ERC2: variants seen among roughly 807,000 people sequenced by gnomAD.
The protein encoded by ERC2 is ELKS/RAB6-interacting/CAST family member 2.
A neutral mutation model predicts 114.8 loss-of-function variants in ERC2; 42 were observed. The observed-to-expected ratio is 0.37, with a 90% CI of 0.29 to 0.47. The LOEUF is 0.47. ERC2 is among the 20% of genes least tolerant of loss of function. The pLI is 0.99. For missense variants in ERC2, 939 were observed against 1,150.7 expected, an observed-to-expected ratio of 0.82 and a Z score of 2.66; for synonymous variants, 454 against 425.5, an observed-to-expected ratio of 1.07 and a Z score of -0.82.
At chr3:55,979,945 C>G (rs1027156443) in intron 12 of ERC2, among the ~76,000 whole-genome samples, 5 of 148,674 alleles carry the variant, frequency 3.4e-5, no homozygotes, top group Middle Eastern at 6.9e-3. Context: ...CCTATCTCTT[C>G]TTCTTTTTTT....
intron 14 of ERC2, among the ~76,000 whole-genome samples, chr3:55,863,131 T>C (rs1408803186): frequency 6.6e-6 from 1 of 152,136 alleles, no homozygotes; most frequent in Non-Finnish European, 1.5e-5. Context: ...ACCCTGACAG[T>C]TCAAACTGTC....
At chr3:55,672,181 C>T (rs909640192) in intron 17 of ERC2, among the ~76,000 whole-genome samples, 1 of 151,852 alleles carries the variant, frequency 6.6e-6, no homozygotes, top group African/African-American at 2.4e-5. Flanking sequence ...CTAGGCCCCC[C>T]ACCCCTACAC....
chr3:55,897,112 G>A (rs1259813106), intron 13 of ERC2, among the ~76,000 whole-genome samples: 1 of 152,232 alleles, frequency 6.6e-6, no homozygotes, highest in Admixed American at 6.5e-5. Flanking sequence ...TAAAAAACCC[G>A]TTTAAGACCT....
chr3:56,176,642 T>C (rs1194191058), intron 3 of ERC2, among the ~76,000 whole-genome samples: 1 of 152,202 alleles, frequency 6.6e-6, no homozygotes, highest in African/African-American at 2.4e-5. Flanking sequence ...CTGAGGCTCA[T>C]CTTGATTCCT....
At chr3:55,713,950 A>G (rs1430722984) in intron 15 of ERC2, among the ~76,000 whole-genome samples, 1 of 152,208 alleles carries the variant, frequency 6.6e-6, no homozygotes, top group Non-Finnish European at 1.5e-5. Context: ...TATCAACCTT[A>G]TCAAAAACCA....
chr3:55,737,514 A>G (rs2065710017), intron 14 of ERC2, among the ~76,000 whole-genome samples: 1 of 152,210 alleles, frequency 6.6e-6, no homozygotes, highest in Non-Finnish European at 1.5e-5. Context: ...ACAACACACA[A>G]GGTGACTGCA....
At chr3:56,281,961 A>T (rs2150323340) in intron 3 of ERC2, among the ~76,000 whole-genome samples, 1 of 152,334 alleles carries the variant, frequency 6.6e-6, no homozygotes, top group African/African-American at 2.4e-5. Flanking sequence ...CTTGCTTTAC[A>T]AGGAGACCAA....
At chr3:55,724,459 A>G (rs1222598970) in intron 15 of ERC2, among the ~76,000 whole-genome samples, 2 of 152,200 alleles carry the variant, frequency 1.3e-5, no homozygotes, top group Non-Finnish European at 1.5e-5. Flanking sequence ...AAAAGCTTCA[A>G]TGTGAGTCCC....
chr3:56,276,696 G>A (rs1467813140), intron 3 of ERC2, among the ~76,000 whole-genome samples: 2 of 152,168 alleles, frequency 1.3e-5, no homozygotes, highest in Non-Finnish European at 2.9e-5. Flanking sequence ...TTTGGGAGGA[G>A]GAGGATTTGA....
chr3:56,434,494 C>T lies in ERC2; in HGVS notation c.514G>A (p.Asp172Asn). ...DLLRKELDIK[D>N]SKLGSSMNSI... ...TTCATGGAAGATCCCAATTTGCTGT[C>T]CTTGATGTCTAGCTCTTTCCGGAGG... The change falls in exon 2 of 18, where the codon GAC becomes AAC. Residue 172 changes from aspartate (D) to asparagine (N), a missense_variant. Asp to Asn is a conservative substitution (Grantham distance 23). This residue lies in a region of ERC2 where 281 missense variants were observed against 307.4 expected (regional missense o/e 0.91). Coordinates refer to ENST00000288221, the MANE Select transcript of ERC2 (RefSeq NM_015576.3). 2.5e-6 allele frequency: 4 copies of T among 1,613,996 alleles called. No homozygotes were observed. The highest frequency in any genetic ancestry group is 1.3e-5 in the African/African-American group (1 of 75,040).
chr3:55,959,924 G>A (rs928750975), intron 12 of ERC2, among the ~76,000 whole-genome samples: 43 of 152,148 alleles, frequency 2.8e-4, no homozygotes, highest in African/African-American at 8.0e-4. Context: ...ATCTGTGCCC[G>A]CATGAAAATA....
At chr3:56,230,171 T>C (rs2050527948) in intron 3 of ERC2, among the ~76,000 whole-genome samples, 1 of 151,962 alleles carries the variant, frequency 6.6e-6, no homozygotes, top group Non-Finnish European at 1.5e-5. Flanking sequence ...TGGCCAAATA[T>C]CCAGTCTTAC....
At chr3:55,838,858 A>T (rs1479149638) in intron 14 of ERC2, among the ~76,000 whole-genome samples, 1 of 151,970 alleles carries the variant, frequency 6.6e-6, no homozygotes, top group Non-Finnish European at 1.5e-5. Flanking sequence ...AGTTTCTTAA[A>T]AGAAACAAAC....
At chr3:55,633,415 G>C (rs1317809489) in intron 17 of ERC2, among the ~76,000 whole-genome samples, 1 of 152,138 alleles carries the variant, frequency 6.6e-6, no homozygotes, top group South Asian at 2.1e-4. Context: ...TTTCTAGGGG[G>C]TCTAGGATTT....
chr3:55,531,018 T>C (rs576381202), intron 17 of ERC2, among the ~76,000 whole-genome samples: 1 of 152,272 alleles, frequency 6.6e-6, no homozygotes, highest in Non-Finnish European at 1.5e-5. Context: ...TTATGTTGCA[T>C]TTTGGAGTCG....
At chr3:56,370,601 T>C (rs369496929) in intron 2 of ERC2, among the ~76,000 whole-genome samples, 4,112 of 149,644 alleles carry the variant, frequency 0.027, 68 homozygotes, top group South Asian at 0.071. Context: ...TTTTGTTTTT[T>C]TTTTTTTTTT....
At chr3:56,055,391 A>T (rs997027525) in intron 7 of ERC2, among the ~76,000 whole-genome samples, 1 of 152,218 alleles carries the variant, frequency 6.6e-6, no homozygotes, top group Non-Finnish European at 1.5e-5. Context: ...CTCCCTTCCA[A>T]GGAGTGATAT....
chr3:56,182,796 G>A (rs2083358705), intron 3 of ERC2, among the ~76,000 whole-genome samples: 1 of 152,054 alleles, frequency 6.6e-6, no homozygotes, highest in Non-Finnish European at 1.5e-5. Context: ...TTCATTATAG[G>A]CACTTCCCTA....
intron 17 of ERC2, among the ~76,000 whole-genome samples, chr3:55,583,588 CCTTCCT>C (rs1575658878): frequency 4.3e-5 from 6 of 139,750 alleles, no homozygotes; most frequent in East Asian, 2.1e-4. Flanking sequence ...TTCCTTCCTT[CCTTCCT>C]AGAAAGGCAA....
Sources: allele counts gnomAD v4.1 joint callset (sites outside exome capture counted in the v4.1 genomes callset), GRCh38; gene constraint gnomAD v4.1.1; regional missense constraint gnomAD v4.1.1; transcripts MANE v1.5; gene names NCBI Gene and HGNC (gene_info 2026-07-23, HGNC 2026-07-21).